TAF12: variants seen among roughly 807,000 people sequenced by gnomAD.
TAF12 encodes the protein transcription initiation factor TFIID subunit 12.
TAF12 carries 3 observed loss-of-function variants against 20.8 expected under a neutral mutation model. The observed-to-expected ratio is 0.14, with a 90% CI of 0.07 to 0.37. The LOEUF is 0.37. Ranked by LOEUF, TAF12 falls within the 10% of genes least tolerant of loss-of-function variation. The probability of loss-of-function intolerance (pLI) is 1.00; values close to 1 mark genes in which losing one functional copy is unlikely to be tolerated. For missense variants in TAF12, 131 were observed against 197.9 expected, an observed-to-expected ratio of 0.66 and a Z score of 2.03; for synonymous variants, 69 against 70.2, an observed-to-expected ratio of 0.98 and a Z score of 0.09.
intron 3 of TAF12, among the ~76,000 whole-genome samples, chr1:28,615,831 G>A (rs922605967): frequency 2.6e-4 from 39 of 151,778 alleles, no homozygotes; most frequent in African/African-American, 9.2e-4. Context: ...TAGGAAGGTT[G>A]ACTTGTGGAC....
intron 3 of TAF12, among the ~76,000 whole-genome samples, chr1:28,616,788 A>G (rs1437797857): frequency 6.6e-6 from 1 of 152,122 alleles, no homozygotes; most frequent in African/African-American, 2.4e-5. Context: ...TGAGTAGTGT[A>G]AAAAATTCTC....
intron 4 of TAF12, among the ~76,000 whole-genome samples, chr1:28,607,563 T>G (rs1666710120): frequency 6.6e-6 from 1 of 151,856 alleles, no homozygotes; most frequent in African/African-American, 2.4e-5. Flanking sequence ...TCCCAGCTAC[T>G]TGGGAGGCTG....
At chr1:28,630,276 G>A (rs995122542) in intron 1 of TAF12, among the ~76,000 whole-genome samples, 2 of 152,090 alleles carry the variant, frequency 1.3e-5, no homozygotes, top group Non-Finnish European at 2.9e-5. Context: ...ATAAGTTCAG[G>A]GCCAGGTACA....
chr1:28,644,503 A>C (rs571414409), upstream of TAF12, among the ~76,000 whole-genome samples: 86 of 152,318 alleles, frequency 5.6e-4, 1 homozygote, highest in African/African-American at 2.0e-3. Context: ...TTCATTTGAC[A>C]AGTGTTTGAG....
chr1:28,636,565 G>A (rs987650336), intron 1 of TAF12, among the ~76,000 whole-genome samples: 5 of 151,732 alleles, frequency 3.3e-5, no homozygotes, highest in African/African-American at 1.2e-4. Flanking sequence ...CTGAGCGGGA[G>A]GATCACTTGA....
At chr1:28,611,784 G>A (rs1666869500) in intron 4 of TAF12, among the ~76,000 whole-genome samples, 1 of 152,122 alleles carries the variant, frequency 6.6e-6, no homozygotes, top group South Asian at 2.1e-4. Flanking sequence ...AAGCTGCCAA[G>A]TTTATGGTAT....
At chr1:28,625,130 T>C (rs1366622429) in intron 1 of TAF12, among the ~76,000 whole-genome samples, 1 of 152,228 alleles carries the variant, frequency 6.6e-6, no homozygotes, top group East Asian at 1.9e-4. Flanking sequence ...ACATACTTTA[T>C]CTCTCAAAAA....
At chr1:28,624,579 G>A (rs569017944) in intron 1 of TAF12, among the ~76,000 whole-genome samples, 1 of 151,778 alleles carries the variant, frequency 6.6e-6, no homozygotes, top group East Asian at 1.9e-4. Flanking sequence ...AAACCCAGTC[G>A]TTACTAAAAA....
At chr1:28,621,646 A>G (rs932570165) in intron 2 of TAF12, among the ~76,000 whole-genome samples, 1 of 152,206 alleles carries the variant, frequency 6.6e-6, no homozygotes, top group Non-Finnish European at 1.5e-5. Context: ...ATTGTACATG[A>G]TAATTTGCTA....
upstream of TAF12, among the ~76,000 whole-genome samples, chr1:28,647,234 A>T (rs1031091384): frequency 2.6e-5 from 4 of 152,134 alleles, no homozygotes; most frequent in Non-Finnish European, 4.4e-5. Flanking sequence ...AAGCATTTTC[A>T]CATTTTATAA....
intron 1 of TAF12, among the ~76,000 whole-genome samples, chr1:28,622,848 C>T (rs1667264630): frequency 6.6e-6 from 1 of 151,780 alleles, no homozygotes; most frequent in Admixed American, 6.6e-5. Flanking sequence ...TGGTGAAACC[C>T]CATCTCTACT....
intron 3 of TAF12, among the ~76,000 whole-genome samples, chr1:28,615,397 T>C (rs1666999593): frequency 6.6e-6 from 1 of 151,574 alleles, no homozygotes; most frequent in African/African-American, 2.4e-5. Context: ...AAAAAAATAT[T>C]GCCAGGTGCA....
chr1:28,620,292 C>T (rs1667172639), intron 2 of TAF12, among the ~76,000 whole-genome samples: 1 of 151,520 alleles, frequency 6.6e-6, no homozygotes, highest in Non-Finnish European at 1.5e-5. Context: ...CACCACCATG[C>T]CAGGTTGATT....
At chr1:28,643,139 G>A (rs917092249), upstream of TAF12, 4 of 984,714 alleles carry the variant, frequency 4.1e-6, no homozygotes, top group Non-Finnish European at 4.8e-6. Flanking sequence ...TCTTCCGGCC[G>A]GCGGGCGCGC....
chr1:28,613,141 G>T (rs1666921239), intron 4 of TAF12, 106 bp downstream of exon 4: 1 of 790,168 alleles, frequency 1.3e-6, no homozygotes, highest in Non-Finnish European at 1.9e-6. Flanking sequence ...AAATCCCAGT[G>T]CCCAAAAGTC....
intron 5 of TAF12, 121 bp from the exon 6 acceptor site, chr1:28,603,695 T>G: frequency 1.0e-6 from 1 of 955,214 alleles, no homozygotes. Flanking sequence ...CTCAGAGACC[T>G]GCAGTCACAA....
intron 1 of TAF12, among the ~76,000 whole-genome samples, chr1:28,639,637 A>G (rs193109341): frequency 2.0e-4 from 31 of 152,206 alleles, no homozygotes; most frequent in African/African-American, 7.0e-4. Context: ...AGTACTTTGA[A>G]GTGGTGACAT....
Position 28,622,144 on chromosome 1 carries a change from T to G in TAF12, c.-63A>C, listed in dbSNP as rs1667241256. 1.3e-6 allele frequency: 2 copies of G among 1,543,856 alleles called. No individual in the cohort carries two copies. Among genetic ancestry groups the G allele is most frequent in the Admixed American group, 2.2e-5 (1 of 45,944 alleles). On this transcript the variant is annotated 5_prime_UTR_variant, in exon 2 of 6. Coordinates refer to ENST00000373824, the MANE Select transcript of TAF12 (RefSeq NM_005644.4). ...TCGAGATCCTGTTTCTTTTTGGAGCTGTGAGGACCAAGGCCAATTAACTGG... is the reference window on the plus strand; with the variant it reads ...TCGAGATCCTGTTTCTTTTTGGAGCGGTGAGGACCAAGGCCAATTAACTGG...
At chr1:28,647,731 G>A (rs1341710490), upstream of TAF12, among the ~76,000 whole-genome samples, 2 of 152,110 alleles carry the variant, frequency 1.3e-5, no homozygotes, top group African/African-American at 2.4e-5. Context: ...AAAATTAGCC[G>A]GGCATGGTGG....
Sources: allele counts gnomAD v4.1 joint callset (sites outside exome capture counted in the v4.1 genomes callset), GRCh38; gene constraint gnomAD v4.1.1; transcripts MANE v1.5; gene names NCBI Gene and HGNC (gene_info 2026-07-23, HGNC 2026-07-21).